The following TRIM14 variants were observed in gnomAD, a reference collection of about 807,000 sequenced individuals.
TRIM14 encodes tripartite motif containing 14.
In TRIM14, 28 loss-of-function variants were observed where a neutral mutation model predicts 44.5. The observed-to-expected ratio is 0.63, with a 90% CI of 0.47 to 0.86. The LOEUF is 0.86. Ranked by LOEUF, TRIM14 falls within the 40% of genes least tolerant of loss-of-function variation. The pLI, the probability that TRIM14 is intolerant of heterozygous loss-of-function variation, is 0.00. For synonymous variants in TRIM14, 299 were observed against 269.2 expected (o/e 1.11, Z -1.08); for missense variants, 607 against 611.1 (o/e 0.99, Z 0.07).
At chr9:98,089,070 G>A (rs1825906162) in intron 5 of TRIM14, among the ~76,000 whole-genome samples, 1 of 152,194 alleles carries the variant, frequency 6.6e-6, no homozygotes, top group Non-Finnish European at 1.5e-5. Flanking sequence ...ACGTGTAACA[G>A]AGACTGAGTT....
At chr9:98,101,911 G>C (rs1221350334) in intron 2 of TRIM14, among the ~76,000 whole-genome samples, 1 of 151,360 alleles carries the variant, frequency 6.6e-6, no homozygotes, top group Non-Finnish European at 1.5e-5. Context: ...GGGAGGCTGA[G>C]GCTTGAGAAT....
intron 1 of TRIM14, among the ~76,000 whole-genome samples, chr9:98,116,805 T>C (rs1827069813): frequency 6.7e-6 from 1 of 149,740 alleles, no homozygotes; most frequent in Non-Finnish European, 1.5e-5. Flanking sequence ...GATCATGCCA[T>C]TGCACTCTAG....
downstream of TRIM14, among the ~76,000 whole-genome samples, chr9:98,065,761 T>C (rs1417275664): frequency 1.3e-5 from 2 of 151,482 alleles, no homozygotes; most frequent in Admixed American, 6.6e-5. Context: ...CAAAGGGAGG[T>C]AGTTGAATCA....
Position 98,109,945 on chromosome 9 carries a change from T to G in TRIM14, c.247A>C (p.Lys83Gln). Residue 83 changes from lysine to glutamine, a missense_variant, in exon 2 of 6, where the codon AAG becomes CAG. Physicochemically the swap from Lys to Gln is moderately conservative, Grantham distance 53. This residue lies in a region of TRIM14 where 246 missense variants were observed against 270.8 expected (regional missense o/e 0.91). Transcript: ENST00000341469. Reference sequence around the variant, plus strand: ...GTTATGTTGTCAATGTGCTGCTGCTTCTTGATTGCCAGCTGCTTTAAACAT... The same window carrying G: ...GTTATGTTGTCAATGTGCTGCTGCTGCTTGATTGCCAGCTGCTTTAAACAT... ...QECLKQLAIK[K>Q]QQHIDNITQI... 6.2e-7 allele frequency: 1 copy of G among 1,614,024 alleles called. No individual in the cohort carries two copies. Among genetic ancestry groups the G allele is most frequent in the Non-Finnish European group, 8.5e-7 (1 of 1,179,972 alleles).
At chr9:98,052,653 G>A in the TRIM14 span, among the ~76,000 whole-genome samples, 8 of 152,178 alleles carry the variant, frequency 5.3e-5, no homozygotes, top group Admixed American at 2.0e-4. Flanking sequence ...GATTACAGGC[G>A]TGTGCCACCA....
intron 1 of TRIM14, among the ~76,000 whole-genome samples, chr9:98,110,971 G>A (rs2118635817): frequency 6.6e-6 from 1 of 151,470 alleles, no homozygotes; most frequent in African/African-American, 2.4e-5. Context: ...GGTCACCTAA[G>A]CCCAGGAGGT....
the TRIM14 span, among the ~76,000 whole-genome samples, chr9:98,042,938 T>G: frequency 6.6e-6 from 1 of 152,204 alleles, no homozygotes. Flanking sequence ...CTTTCTTTTT[T>G]GATAAAGTAT....
chr9:98,075,992 T>G (rs1040013950), intron 6 of TRIM14: 1 of 152,118 alleles, frequency 6.6e-6, no homozygotes, highest in African/African-American at 2.4e-5. Context: ...TGTTGATGAA[T>G]ACTAGAGAAG....
intron 2 of TRIM14, among the ~76,000 whole-genome samples, chr9:98,105,865 C>A (rs1323522): frequency 0.056 from 8,541 of 152,282 alleles, 378 homozygotes; most frequent in Admixed American, 0.12. Flanking sequence ...ACCAGAAAAA[C>A]TCCACCCCCG....
downstream of TRIM14, among the ~76,000 whole-genome samples, chr9:98,082,649 C>CTGAG (rs1731685878): frequency 6.6e-6 from 1 of 152,218 alleles, no homozygotes; most frequent in African/African-American, 2.4e-5. Context: ...GGCTCCTCCT[C>CTGAG]TGAGTCTCTG....
the TRIM14 span, among the ~76,000 whole-genome samples, chr9:98,055,676 A>G: frequency 2.0e-5 from 3 of 152,160 alleles, no homozygotes; most frequent in Non-Finnish European, 4.4e-5. Flanking sequence ...AAGGCAGTCT[A>G]GTTCCCAGGA....
chr9:98,087,904 G>T lies in TRIM14; in HGVS notation c.895C>A (p.Pro299Thr). 1 of 1,568,266 alleles carries T rather than the reference G, an allele frequency of 6.4e-7. No individual in the cohort carries two copies. Among genetic ancestry groups the T allele is most frequent in the Non-Finnish European group, 8.6e-7 (1 of 1,167,314 alleles). Reference sequence around the variant, plus strand: ...GCGTCGAACCGCAGCACGGGCACGGGCCCCAGGCTGCCCAGCAGGCCGCAG... The same window carrying T: ...GCGTCGAACCGCAGCACGGGCACGGTCCCCAGGCTGCCCAGCAGGCCGCAG... ...VRCGLLGSLGPVPVLRFDALW... is the reference protein window; with the variant it reads ...VRCGLLGSLGTVPVLRFDALW... Residue 299 changes from proline (P) to threonine (T), a missense_variant, in exon 6 of 6, where the codon CCC becomes ACC. Physicochemically the swap from Pro to Thr is conservative, Grantham distance 38. This residue lies in a region of TRIM14 where 356 missense variants were observed against 323.0 expected (regional missense o/e 1.10). Transcript: ENST00000341469.
intron 6 of TRIM14, chr9:98,078,312 C>T: frequency 1.2e-6 from 2 of 1,613,986 alleles, no homozygotes; most frequent in Non-Finnish European, 1.7e-6. Flanking sequence ...CGCATACCCG[C>T]TCCAGCCTGA....
chr9:98,071,510 C>G (rs1294040264), intron 6 of TRIM14, among the ~76,000 whole-genome samples: 1 of 152,140 alleles, frequency 6.6e-6, no homozygotes, highest in Non-Finnish European at 1.5e-5. Flanking sequence ...TAAATGTGAT[C>G]GTTAATATAA....
intron 1 of TRIM14, among the ~76,000 whole-genome samples, chr9:98,116,332 A>T (rs1036965957): frequency 1.3e-5 from 2 of 151,702 alleles, no homozygotes; most frequent in Non-Finnish European, 2.9e-5. Flanking sequence ...ATCCTTGGAA[A>T]GACTGGACTA....
the TRIM14 span, among the ~76,000 whole-genome samples, chr9:98,055,695 G>A: frequency 6.6e-6 from 1 of 151,922 alleles, no homozygotes; most frequent in Non-Finnish European, 1.5e-5. Flanking sequence ...GAAAGAAGGA[G>A]GTTTATTTTG....
At chr9:98,061,481 T>TAA in the TRIM14 span, among the ~76,000 whole-genome samples, 3 of 74,674 alleles carry the variant, frequency 4.0e-5, no homozygotes, top group South Asian at 4.1e-4. Context: ...CATCTCAAAT[T>TAA]AAAAAAAAAA....
the TRIM14 span, among the ~76,000 whole-genome samples, chr9:98,048,423 A>C: frequency 6.6e-6 from 1 of 152,234 alleles, no homozygotes; most frequent in African/African-American, 2.4e-5. Flanking sequence ...TCCTACAGCT[A>C]CTGGATCTTC....
At position 98,087,852 on chromosome 9, in the gene TRIM14, C is replaced by G. The variant is rs552497291; in HGVS notation, c.947G>C (p.Cys316Ser). Residue 316 changes from cysteine to serine, a missense_variant, in exon 6 of 6, where the codon TGC becomes TCC. Cys to Ser is a moderately radical substitution (Grantham distance 112, BLOSUM62 -1). Coordinates refer to ENST00000341469, the MANE Select transcript of TRIM14 (RefSeq NM_014788.4). ...CCAGTAGTGGCGGCCGGTGGCGAAG[C>G]AGTCACGAGCCAGCACTTGCCAGAG... ...DALWQVLARD[C>S]FATGRHYWEV... 2 of 1,553,310 alleles carry G rather than the reference C, an allele frequency of 1.3e-6. No individual in the cohort carries two copies. Among genetic ancestry groups the G allele is most frequent in the Non-Finnish European group, 1.7e-6 (2 of 1,161,246 alleles).
Sources: allele counts gnomAD v4.1 joint callset (sites outside exome capture counted in the v4.1 genomes callset), GRCh38; gene constraint gnomAD v4.1.1; regional missense constraint gnomAD v4.1.1; transcripts MANE v1.5; gene names NCBI Gene and HGNC (gene_info 2026-07-23, HGNC 2026-07-21).